Variants in VAV3 observed in about 807,000 individuals in gnomAD.
VAV3 encodes the protein guanine nucleotide exchange factor VAV3.
Under a neutral mutation model 131.2 loss-of-function variants are expected in VAV3, and 94 were observed. That is an observed-to-expected ratio of 0.72 (90% CI 0.61 to 0.85). VAV3 has a LOEUF of 0.85. Among genes scored for constraint, VAV3 ranks in the 40% least tolerant of loss-of-function variants. The pLI, the probability that VAV3 is intolerant of heterozygous loss-of-function variation, is 0.00. For synonymous variants in VAV3, 349 were observed against 342.0 expected, an observed-to-expected ratio of 1.02 and a Z score of -0.22; for missense variants, 939 against 1,002.7, an observed-to-expected ratio of 0.94 and a Z score of 0.86.
intron 15 of VAV3, among the ~76,000 whole-genome samples, chr1:107,732,337 C>T (rs1417593075): frequency 1.3e-5 from 2 of 152,170 alleles, no homozygotes; most frequent in African/African-American, 2.4e-5. Flanking sequence ...AACTGAGGTA[C>T]CTGGTTCATC....
At chr1:107,920,677 T>A (rs1043661767) in intron 1 of VAV3, among the ~76,000 whole-genome samples, 2 of 152,212 alleles carry the variant, frequency 1.3e-5, no homozygotes, top group South Asian at 2.1e-4. Flanking sequence ...AATACTTTTT[T>A]AAAAAATTAA....
At chr1:107,895,245 G>T (rs1408333635) in intron 1 of VAV3, among the ~76,000 whole-genome samples, 1 of 152,200 alleles carries the variant, frequency 6.6e-6, no homozygotes, top group East Asian at 1.9e-4. Context: ...CATGGGACGT[G>T]AGTGGGGAAC....
chr1:107,926,695 G>A (rs1673174053), intron 1 of VAV3, among the ~76,000 whole-genome samples: 1 of 152,286 alleles, frequency 6.6e-6, no homozygotes, highest in East Asian at 1.9e-4. Flanking sequence ...CATCACAGCA[G>A]AAATCCAAAC....
At position 107,617,167 on chromosome 1, in the gene VAV3, C is replaced by A. The variant is rs1011950773; in HGVS notation, c.1980+400G>T. Reference sequence around the variant, plus strand: ...TTGATTGAAAAATTTGTGGACTTTTCATTTTCTAGCAAGCTTTCAAAGACA... The same window carrying A: ...TTGATTGAAAAATTTGTGGACTTTTAATTTTCTAGCAAGCTTTCAAAGACA... On this transcript the variant is annotated intron_variant, in intron 21 of 26. Transcript: ENST00000370056. Among the ~76,000 whole-genome samples, 3 of 152,212 alleles carry A rather than the reference C, an allele frequency of 2.0e-5. No homozygotes were observed. In the South Asian group the frequency reaches 6.2e-4, roughly 32 times the overall value.
chr1:107,874,928 G>C lies in VAV3; in HGVS notation c.294C>G (p.Asp98Glu). The change falls in exon 2 of 27, where the codon GAC (aspartate) becomes GAG (glutamate). Residue 98 changes from aspartate to glutamate, a missense_variant. Coordinates refer to ENST00000370056, the MANE Select transcript of VAV3 (RefSeq NM_006113.5). ...TTCCAAAGTCACGAACATCAAACAA[G>C]TCAAATGCCTCGAAAAGTTCACTTT... ...MRKSELFEAF[D>E]LFDVRDFGKV... The C allele has an allele frequency of 6.2e-7, 1 of 1,613,286 alleles. No individual in the cohort carries two copies. Among genetic ancestry groups the C allele is most frequent in the South Asian group, 1.1e-5 (1 of 91,058 alleles).
chr1:107,645,261 T>C (rs1018739486), intron 19 of VAV3, among the ~76,000 whole-genome samples: 2 of 152,046 alleles, frequency 1.3e-5, no homozygotes, highest in Admixed American at 1.3e-4. Flanking sequence ...AGTATAGTGT[T>C]TCTTCAACTC....
chr1:107,719,757 C>T (rs907530811), intron 15 of VAV3, among the ~76,000 whole-genome samples: 3 of 152,084 alleles, frequency 2.0e-5, no homozygotes, highest in Non-Finnish European at 4.4e-5. Flanking sequence ...GACACATGAA[C>T]ACATATGTTT....
At chr1:107,802,053 C>T (rs1666854209) in intron 2 of VAV3, among the ~76,000 whole-genome samples, 1 of 151,958 alleles carries the variant, frequency 6.6e-6, no homozygotes, top group Non-Finnish European at 1.5e-5. Context: ...TTAAGGTTTA[C>T]ATTATACAGA....
At position 107,896,795 on chromosome 1, in the gene VAV3, A is replaced by C. The variant is rs1225506706; in HGVS notation, c.205-21778T>G. On this transcript the variant is annotated intron_variant, in intron 1 of 26. Coordinates refer to ENST00000370056, the MANE Select transcript of VAV3 (RefSeq NM_006113.5). ...CCGTTCCATTTATACCACTTTTCAG[A>C]CTTAAACTGTTTTTGTTATGTATTA... 2.6e-5 allele frequency among the ~76,000 whole-genome samples: 4 copies of C among 152,164 alleles called. No individual in the cohort carries two copies. In the East Asian group the frequency reaches 7.7e-4, roughly 29 times the overall value.
rs113287996 is a variant in VAV3, at chr1:107,894,652, T to A, written c.205-19635A>T. ...TTAAAGACAATAAATGCTTTCCTAA[T>A]AATTCTTAACTTTTAAAAACGGCAG... On this transcript the variant is annotated intron_variant, in intron 1 of 26. Transcript: ENST00000370056. Among the ~76,000 whole-genome samples, 319 of 152,338 alleles carry A rather than the reference T, an allele frequency of 2.1e-3. 1 individual carries two copies. The highest frequency in any genetic ancestry group is 7.3e-3 in the African/African-American group (304 of 41,562).
chr1:107,586,687 GGAAT>G (rs1430969550), intron 25 of VAV3, among the ~76,000 whole-genome samples: 3 of 151,788 alleles, frequency 2.0e-5, no homozygotes, highest in Admixed American at 2.0e-4. Context: ...AGAAAAGGAA[GGAAT>G]GAAGAGGTAG....
At chr1:107,706,376 T>C (rs1398101298) in intron 15 of VAV3, among the ~76,000 whole-genome samples, 2 of 152,122 alleles carry the variant, frequency 1.3e-5, no homozygotes, top group South Asian at 2.1e-4. Context: ...GATGCAGAAG[T>C]GTCAGAGAGG....
At chr1:107,823,328 T>C (rs1667879388) in intron 2 of VAV3, among the ~76,000 whole-genome samples, 2 of 152,264 alleles carry the variant, frequency 1.3e-5, no homozygotes, top group East Asian at 3.9e-4. Context: ...TGAAATTAAG[T>C]GTTCCATTTT....
At chr1:107,835,183 G>T (rs1668417278) in intron 2 of VAV3, among the ~76,000 whole-genome samples, 1 of 152,150 alleles carries the variant, frequency 6.6e-6, no homozygotes, top group South Asian at 2.1e-4. Flanking sequence ...CGCTATCAAG[G>T]CCCCTGCCTG....
chr1:107,805,181 C>CT (rs1667008512), intron 2 of VAV3, among the ~76,000 whole-genome samples: 1 of 152,116 alleles, frequency 6.6e-6, no homozygotes, highest in Non-Finnish European at 1.5e-5. Flanking sequence ...TCTGACCTTT[C>CT]TGTGCCTAAA....
intron 15 of VAV3, among the ~76,000 whole-genome samples, chr1:107,724,025 C>A (rs1455638339): frequency 1.3e-5 from 2 of 151,838 alleles, no homozygotes; most frequent in East Asian, 3.9e-4. Flanking sequence ...GCTCGTGAAG[C>A]GACTAACAGA....
chr1:107,885,048 G>C (rs992966109), intron 1 of VAV3, among the ~76,000 whole-genome samples: 1 of 152,044 alleles, frequency 6.6e-6, no homozygotes, highest in Non-Finnish European at 1.5e-5. Flanking sequence ...AAGCATGGAG[G>C]GTATCTAGGC....
chr1:107,775,611 C>T (rs1382528285), intron 4 of VAV3, among the ~76,000 whole-genome samples: 3 of 131,576 alleles, frequency 2.3e-5, no homozygotes, highest in African/African-American at 8.3e-5. Context: ...AAAAGAATAG[C>T]ATCACGGCAC....
At chr1:107,606,490 G>GTATC (rs1652275779) in intron 22 of VAV3, among the ~76,000 whole-genome samples, 3 of 152,018 alleles carry the variant, frequency 2.0e-5, no homozygotes. Context: ...AGAAATTTCT[G>GTATC]TATCATTTCT....
Sources: allele counts gnomAD v4.1 joint callset (sites outside exome capture counted in the v4.1 genomes callset), GRCh38; gene constraint gnomAD v4.1.1; transcripts MANE v1.5; gene names NCBI Gene and HGNC (gene_info 2026-07-23, HGNC 2026-07-21).